The following ARHGAP45 variants were observed in gnomAD, a reference collection of about 807,000 sequenced individuals.
ARHGAP45 encodes Rho GTPase activating protein 45.
In ARHGAP45, 56 loss-of-function variants were observed where a neutral mutation model predicts 116.1. The ratio of observed to expected loss-of-function variants is 0.48; its 90% CI spans 0.39 to 0.60. ARHGAP45 has a LOEUF of 0.60. Among genes scored for constraint, ARHGAP45 ranks in the 20% least tolerant of loss-of-function variants. The pLI is 0.00. For synonymous variants in ARHGAP45, 866 were observed against 701.7 expected, an observed-to-expected ratio of 1.23 and a Z score of -3.70; for missense variants, 1,622 against 1,601.0, an observed-to-expected ratio of 1.01 and a Z score of -0.22.
At chr19:1,085,637 C>T (rs749814282) in intron 22 of ARHGAP45, 23 bp from the exon 23 acceptor site, 274 of 1,493,332 alleles carry the variant, frequency 1.8e-4, no homozygotes, top group Non-Finnish European at 2.3e-4. Context: ...TGTCTCCCCC[C>T]GCCATCTGTC....
chr19:1,080,793 G>A lies in ARHGAP45; in HGVS notation c.2017+7G>A. ...GCTTCAGCCTTTGAGCAGGGTGAGGGTCCCCTGACGGGGCTGGAGAGAGAG... is the reference window on the plus strand; with the variant it reads ...GCTTCAGCCTTTGAGCAGGGTGAGGATCCCCTGACGGGGCTGGAGAGAGAG... On this transcript the variant is annotated splice_region_variant and intron_variant, in intron 16 of 22. Coordinates refer to ENST00000313093, the MANE Select transcript of ARHGAP45 (RefSeq NM_012292.5). The A allele has an allele frequency of 1.2e-6, 2 of 1,612,960 alleles. No homozygotes were observed. Among genetic ancestry groups the A allele is most frequent in the Non-Finnish European group, 1.7e-6 (2 of 1,179,734 alleles).
At chr19:1,076,774 G>C (rs945187579) in intron 10 of ARHGAP45, among the ~76,000 whole-genome samples, 7 of 152,024 alleles carry the variant, frequency 4.6e-5, no homozygotes, top group Admixed American at 6.6e-5. Flanking sequence ...TGGAATTATA[G>C]GCATAAGACA....
At position 1,067,464 on chromosome 19, in the gene ARHGAP45, G is replaced by A. The variant is rs1568448142; in HGVS notation, c.59G>A (p.Arg20His). ...ACCCCTTCCATCTCGAAAAAGAACC[G>A]CGCGGGAAGCCCCAGCCCGCAGCCC... ...MKTPSISKKN[R>H]AGSPSPQPSG... The change falls in exon 1 of 23, where the codon CGC (arginine) becomes CAC (histidine). Residue 20 changes from arginine (R) to histidine (H), a missense_variant. Around this residue, in one of 3 missense-constraint regions of ARHGAP45, gnomAD observed 279 missense variants for 311.9 expected, o/e 0.89. Transcript: ENST00000313093. The A allele has an allele frequency of 1.2e-6, 2 of 1,605,148 alleles. No homozygotes were observed. Among genetic ancestry groups the A allele is most frequent in the Non-Finnish European group, 1.7e-6 (2 of 1,176,692 alleles).
In ARHGAP45 at chr19:1,086,163, A is replaced by G. The variant is rs2043642225; in HGVS notation, c.*157A>G. ...GTCCCACCAGCGGGCGCCTCCTCCCAGAGGCTTCCAGGAGCACGAGGGCCT... is the reference window on the plus strand; with the variant it reads ...GTCCCACCAGCGGGCGCCTCCTCCCGGAGGCTTCCAGGAGCACGAGGGCCT... On this transcript the variant is annotated 3_prime_UTR_variant, in exon 23 of 23. Transcript: ENST00000313093. 1.5e-5 allele frequency: 10 copies of G among 650,014 alleles called. No individual in the cohort carries two copies. In the South Asian group the frequency reaches 1.9e-4, roughly 12 times the overall value. 40.3% of individuals were successfully genotyped at this position (650,014 alleles called of 1,614,324 possible). A position where few individuals can be genotyped will look rare whatever the true frequency, so the allele number is the denominator to read the frequency against.
intron 22 of ARHGAP45, 35 bp from the exon 23 acceptor site, chr19:1,085,621 CCTGT>C (rs766641547): frequency 7.4e-5 from 107 of 1,445,054 alleles, no homozygotes; most frequent in Admixed American, 2.0e-4. Flanking sequence ...CTCCATCTCT[CCTGT>C]CTGTCTCCCC....
intron 11 of ARHGAP45, among the ~76,000 whole-genome samples, chr19:1,078,365 G>T (rs943178521): frequency 1.3e-5 from 2 of 151,888 alleles, no homozygotes; most frequent in African/African-American, 4.8e-5. Context: ...GGATGGTCTC[G>T]ATCTCCTGAC....
rs1422913776 is a variant in ARHGAP45, at chr19:1,083,085, AGTGGAGG to A, written c.2744+21_2744+27del. On this transcript the variant is annotated intron_variant, in intron 20 of 22. Transcript: ENST00000313093. ...TACGCAGGTGAGTCCCGGCATATGG[AGTGGAGG>A]GCGCGGGGTCCCGGGAGCCGCTCAG... 6.4e-7 allele frequency: 1 copy of A among 1,560,110 alleles called. No homozygotes were observed.
In ARHGAP45 at chr19:1,074,855, C is replaced by T. The variant is rs1361256897; in HGVS notation, c.1161C>T (p.Ala387=). ...HEKRRKEIKE[A]WHRAQRKLQE... is the part of the protein sequence containing the mutation. ...AGCGCAGGAAGGAGATCAAGGAGGC[C>T]TGGCACCGTGCCCAGAGGAAGCTGG... Residue 387 remains alanine (A), a synonymous_variant, in exon 10 of 23, where the codon GCC becomes GCT. Coordinates refer to ENST00000313093, the MANE Select transcript of ARHGAP45 (RefSeq NM_012292.5). The T allele has an allele frequency of 1.5e-6, 2 of 1,335,132 alleles. No homozygotes were observed. Among genetic ancestry groups the T allele is most frequent in the Admixed American group, 4.2e-5 (2 of 47,146 alleles). The allele number at this position is 1,335,132 out of a possible 1,614,324, so 82.7% of individuals were successfully genotyped here. A position where few individuals can be genotyped will look rare whatever the true frequency, so the allele number is the denominator to read the frequency against.
chr19:1,066,519 C>T (rs2043034103), upstream of ARHGAP45: 1 of 279,022 alleles, frequency 3.6e-6, no homozygotes, highest in South Asian at 4.3e-5. Flanking sequence ...AACCAGGTGT[C>T]CTCAGCATAT....
At chr19:1,066,030 G>A, upstream of ARHGAP45, 1 of 1,535,562 alleles carries the variant, frequency 6.5e-7, no homozygotes, top group Non-Finnish European at 8.7e-7. Context: ...AGCGCCATGA[G>A]TCGGGGGCAA....
chr19:1,075,806 C>G (rs2043235275), intron 10 of ARHGAP45, among the ~76,000 whole-genome samples: 1 of 152,188 alleles, frequency 6.6e-6, no homozygotes, highest in Admixed American at 6.5e-5. Context: ...TGTATACTCA[C>G]TATGTTGCCC....
At chr19:1,079,906 C>T (rs1394422633) in intron 12 of ARHGAP45, 22 bp from the exon 13 acceptor site, 8 of 1,600,180 alleles carry the variant, frequency 5.0e-6, no homozygotes, top group Non-Finnish European at 6.0e-6. Context: ...CTGACCCCTC[C>T]GCTCTCCGGT....
At chr19:1,074,927 C>T (rs1321210689) in intron 10 of ARHGAP45, 48 bp downstream of exon 10, 31 of 1,451,008 alleles carry the variant, frequency 2.1e-5, no homozygotes, top group Non-Finnish European at 3.7e-6. Flanking sequence ...CGGGCCTCGG[C>T]GCAGGCGCAG....
chr19:1,077,216 C>T (rs1214439276), intron 10 of ARHGAP45: 2 of 985,204 alleles, frequency 2.0e-6, no homozygotes, highest in Non-Finnish European at 2.4e-6. Context: ...GCAAAAGAGC[C>T]CGGAGACGCT....
Position 1,083,062 on chromosome 19 carries a change from C to T in ARHGAP45, c.2740C>T (p.Arg914Cys), listed in dbSNP as rs1382434592. 1.9e-6 allele frequency: 3 copies of T among 1,550,322 alleles called. No homozygotes were observed. The highest frequency in any genetic ancestry group is 1.9e-5 in the Admixed American group (1 of 52,930). Reference sequence around the variant, plus strand: ...GCTGCAGTACCTGCTGCGTCACCTACGCAGGTGAGTCCCGGCATATGGAGT... The same window carrying T: ...GCTGCAGTACCTGCTGCGTCACCTATGCAGGTGAGTCCCGGCATATGGAGT... Reference protein sequence around the residue: ...ASLQYLLRHLRRIVEVEQDNK... With the variant: ...ASLQYLLRHLCRIVEVEQDNK... Residue 914 changes from arginine to cysteine, a missense_variant, in exon 20 of 23, where the codon CGC becomes TGC. Arg to Cys is a radical substitution (Grantham distance 180). This residue lies in a region of ARHGAP45 where 1,334 missense variants were observed against 1,263.8 expected (regional missense o/e 1.06). Coordinates refer to ENST00000313093, the MANE Select transcript of ARHGAP45 (RefSeq NM_012292.5).
At chr19:1,082,404 G>A (rs1599771040) in intron 19 of ARHGAP45, 2 of 305,256 alleles carry the variant, frequency 6.6e-6, no homozygotes, top group Admixed American at 4.9e-5. Context: ...TGGCGGTGGG[G>A]CCTGGGCTTG....
upstream of ARHGAP45, chr19:1,066,138 C>T: frequency 6.5e-7 from 1 of 1,535,620 alleles, no homozygotes; most frequent in East Asian, 2.4e-5. Flanking sequence ...GTCCTGTGCC[C>T]CAGAGATCTG....
chr19:1,076,895 T>A (rs1487020011), intron 10 of ARHGAP45: 1 of 404,088 alleles, frequency 2.5e-6, no homozygotes, highest in Admixed American at 6.5e-5. Flanking sequence ...TCTGGCTAAA[T>A]TTTTTAATTT....
chr19:1,075,619 C>G (rs1599758866), intron 10 of ARHGAP45, among the ~76,000 whole-genome samples: 1 of 151,096 alleles, frequency 6.6e-6, no homozygotes, highest in Non-Finnish European at 1.5e-5. Context: ...TTGTTTGTTT[C>G]TTTGCTTGTT....
Sources: gnomAD v4.1 joint callset for allele counts (sites outside exome capture counted in the v4.1 genomes callset) on GRCh38, gnomAD v4.1.1 for gene constraint, gnomAD v4.1.1 regional missense constraint, MANE v1.5 for transcripts, NCBI Gene and HGNC (gene_info 2026-07-23, HGNC 2026-07-21) for gene names.